Variants in FRMPD4 observed in about 807,000 individuals in gnomAD.
FRMPD4 encodes the protein FERM and PDZ domain containing 4, also known as FERM and PDZ domain-containing protein 4.
FRMPD4 carries 22 observed loss-of-function variants against 94.1 expected under a neutral mutation model. The observed-to-expected ratio is 0.23, with a 90% confidence interval of 0.17 to 0.33. FRMPD4 has a LOEUF of 0.33. Among genes scored for constraint, FRMPD4 ranks in the 10% least tolerant of loss-of-function variants. FRMPD4 has a pLI of 1.00. For synonymous variants in FRMPD4, 631 were observed against 548.6 expected (o/e 1.15, Z -2.10); for missense variants, 1,111 against 1,339.9 (o/e 0.83, Z 2.67).
intron 9 of FRMPD4, among the ~76,000 whole-genome samples, chrX:12,699,340 G>A (rs1224134751): frequency 8.9e-6 from 1 of 112,448 alleles, no homozygotes. Flanking sequence ...CTGACAAGGG[G>A]TGCTGTGCAA....
intron 1 of FRMPD4, among the ~76,000 whole-genome samples, chrX:12,350,651 G>C (rs10126081): frequency 1.4e-4 from 16 of 112,484 alleles, no homozygotes; most frequent in Non-Finnish European, 3.0e-4. Flanking sequence ...ATTTCAAATT[G>C]ACTTTGTAAT....
chrX:12,302,067 G>A (rs2054869713), intron 1 of FRMPD4, among the ~76,000 whole-genome samples: 2 of 112,154 alleles, frequency 1.8e-5, no homozygotes, highest in South Asian at 7.4e-4. Context: ...AACAGCCCAA[G>A]ATAGCCCATA....
At chrX:12,485,754 C>T (rs934184564) in intron 1 of FRMPD4, among the ~76,000 whole-genome samples, 1 of 110,435 alleles carries the variant, frequency 9.1e-6, no homozygotes, top group Non-Finnish European at 1.9e-5. Flanking sequence ...ACTAAAAATA[C>T]AAAAATTAGC....
In FRMPD4 at chrX:12,693,151, CTATTT is replaced by C. The variant is rs1391097093; in HGVS notation, c.814-1176_814-1172del. On this transcript the variant is annotated intron_variant, in intron 8 of 16. Coordinates refer to ENST00000675598, the MANE Select transcript of FRMPD4 (RefSeq NM_001368397.1). The stretch of plus-strand genomic sequence containing the variant: ...ACACACACCACGGGACTCAATAAAG[CTATTT>C]TATTTTAAATTTTTTAATTGCAGCT... Among the ~76,000 whole-genome samples, 13 of 112,112 alleles carry C rather than the reference CTATTT, an allele frequency of 1.2e-4. No individual in the cohort carries two copies. In the Admixed American group the frequency reaches 1.2e-3, roughly 11 times the overall value.
intron 1 of FRMPD4, among the ~76,000 whole-genome samples, chrX:12,418,235 T>C (rs2056833889): frequency 1.8e-5 from 2 of 109,681 alleles, no homozygotes; most frequent in African/African-American, 6.6e-5. Context: ...GCCATCACCA[T>C]AGAGACAGCT....
chrX:12,289,973 T>G (rs1157496954), intron 1 of FRMPD4, among the ~76,000 whole-genome samples: 1 of 111,734 alleles, frequency 8.9e-6, no homozygotes, highest in African/African-American at 3.3e-5. Flanking sequence ...CTAGGACACA[T>G]TTTTGGGAAA....
chrX:12,714,301 C>T (rs896564714), intron 14 of FRMPD4, among the ~76,000 whole-genome samples: 1 of 111,177 alleles, frequency 9.0e-6, no homozygotes, highest in Admixed American at 9.6e-5. Context: ...TTCTCGTTAC[C>T]GCCTCCTGCT....
intron 1 of FRMPD4, among the ~76,000 whole-genome samples, chrX:11,830,209 A>G (rs1179724246): frequency 1.8e-5 from 2 of 112,049 alleles, no homozygotes; most frequent in African/African-American, 6.5e-5. Context: ...GAGTCAAACC[A>G]TCATTTTCCT....
chrX:12,214,889 CCTT>C (rs35459103), intron 1 of FRMPD4, among the ~76,000 whole-genome samples: 8,846 of 111,263 alleles, frequency 0.08, 832 homozygotes, highest in African/African-American at 0.27. Context: ...ACATTTTCAG[CCTT>C]CTTTTTACAT....
chrX:12,114,972 G>T (rs1020707582), intron 3 of FRMPD4, among the ~76,000 whole-genome samples: 3 of 111,691 alleles, frequency 2.7e-5, no homozygotes, highest in Non-Finnish European at 5.6e-5. Context: ...TTCTGTTTTT[G>T]TTCTACTGCA....
chrX:11,861,641 A>C (rs891537671), intron 1 of FRMPD4, among the ~76,000 whole-genome samples: 4 of 111,271 alleles, frequency 3.6e-5, no homozygotes, highest in Non-Finnish European at 7.5e-5. Flanking sequence ...TATAGAGATA[A>C]AACTTACAAC....
chrX:12,390,522 C>T (rs2056460118), intron 1 of FRMPD4, among the ~76,000 whole-genome samples: 1 of 111,867 alleles, frequency 8.9e-6, no homozygotes, highest in African/African-American at 3.3e-5. Context: ...TTTAACTTCA[C>T]TGTGAGTCAT....
chrX:12,584,291 AC>A (rs1162503426), intron 2 of FRMPD4, among the ~76,000 whole-genome samples: 1 of 111,879 alleles, frequency 8.9e-6, no homozygotes, highest in Non-Finnish European at 1.9e-5. Flanking sequence ...GTGTGATTTC[AC>A]TGTTTTATGG....
intron 1 of FRMPD4, among the ~76,000 whole-genome samples, chrX:12,397,008 A>G (rs2056550381): frequency 9.0e-6 from 1 of 111,464 alleles, no homozygotes; most frequent in Admixed American, 9.5e-5. Flanking sequence ...GGCCGGCCCA[A>G]TGCTGGCTCT....
chrX:12,538,169 C>T (rs2058361743), intron 2 of FRMPD4, among the ~76,000 whole-genome samples: 1 of 111,677 alleles, frequency 9.0e-6, no homozygotes, highest in Admixed American at 9.5e-5. Context: ...AAACGGCACA[C>T]CACGAGATTA....
chrX:12,681,316 A>G (rs1292991232), intron 5 of FRMPD4, among the ~76,000 whole-genome samples: 1 of 112,410 alleles, frequency 8.9e-6, no homozygotes, highest in Non-Finnish European at 1.9e-5. Flanking sequence ...ATGAAATATC[A>G]AAAGCAAATG....
chrX:11,858,201 G>A (rs1270525276), intron 1 of FRMPD4, among the ~76,000 whole-genome samples: 6 of 111,280 alleles, frequency 5.4e-5, no homozygotes, highest in Non-Finnish European at 7.5e-5. Flanking sequence ...CTCATTACTG[G>A]ATATATACCC....
rs772686074 is a variant in FRMPD4 at position 11,891,711 on chromosome X, T to C, written c.95+13693T>C. On this transcript the variant is annotated intron_variant, in intron 3 of 18. Coordinates refer to the FRMPD4 transcript ENST00000640291. ...GCCCCAGAGTTCTCATCTGGAAAAA[T>C]GGGAGTAATAATTTTATCTCCTCAT... Among the ~76,000 whole-genome samples the C allele has an allele frequency of 2.7e-5, 3 of 112,003 alleles. No homozygotes were observed. In the East Asian group the frequency reaches 8.4e-4, roughly 31 times the overall value.
intron 3 of FRMPD4, among the ~76,000 whole-genome samples, chrX:11,918,791 T>A (rs947081310): frequency 9.0e-6 from 1 of 111,687 alleles, no homozygotes; most frequent in Non-Finnish European, 1.9e-5. Flanking sequence ...TGATCACCAA[T>A]CCTCCTGGTA....
Sources: allele counts gnomAD v4.1 joint callset (sites outside exome capture counted in the v4.1 genomes callset), GRCh38; gene constraint gnomAD v4.1.1; transcripts MANE v1.5; gene names NCBI Gene and HGNC (gene_info 2026-07-23, HGNC 2026-07-21).